The following MELK variants were observed in gnomAD, a reference collection of about 807,000 sequenced individuals.
MELK encodes pEg3 kinase.
A neutral mutation model predicts 85.0 loss-of-function variants in MELK; 81 were observed. The observed-to-expected ratio is 0.95, with a 90% CI of 0.80 to 1.15. The LOEUF is 1.15. Among genes scored for constraint, MELK ranks in the 50% most tolerant of loss-of-function variants. MELK has a pLI of 0.00. For synonymous variants in MELK, 252 were observed against 265.0 expected (o/e 0.95, Z 0.48); for missense variants, 754 against 777.5 (o/e 0.97, Z 0.36).
At chr9:36,598,826 T>C (rs1824586265) in intron 6 of MELK, among the ~76,000 whole-genome samples, 1 of 152,148 alleles carries the variant, frequency 6.6e-6, no homozygotes, top group East Asian at 1.9e-4. Context: ...TGAACCTGAT[T>C]TGACTGAGCT....
At chr9:36,670,946 C>T (rs1410373890) in intron 15 of MELK, 52 bp from the exon 16 acceptor site, 1 of 1,542,284 alleles carries the variant, frequency 6.5e-7, no homozygotes, top group African/African-American at 1.4e-5. Context: ...TTGTGGACCC[C>T]ACAGGCCGGA....
intron 4 of MELK, among the ~76,000 whole-genome samples, chr9:36,592,516 T>C (rs910009498): frequency 5.3e-5 from 8 of 152,132 alleles, no homozygotes; most frequent in African/African-American, 1.7e-4. Context: ...TGTACTTTTC[T>C]TGTGTCTCTT....
Position 36,583,731 on chromosome 9 carries a change from A to G in MELK, c.144+19A>G. ...ACTAGGGGTAAGTTTAGATTTATTT[A>G]AAAAATAGTCCACTTATAGATCAGT... On this transcript the variant is annotated intron_variant, in intron 3 of 17. Transcript: ENST00000298048. 2 of 1,535,766 alleles carry G rather than the reference A, an allele frequency of 1.3e-6. No homozygotes were observed. The highest frequency in any genetic ancestry group is 1.8e-6 in the Non-Finnish European group (2 of 1,112,376).
chr9:36,615,715 T>C (rs1402330695), intron 8 of MELK, among the ~76,000 whole-genome samples: 1 of 138,194 alleles, frequency 7.2e-6, no homozygotes, highest in African/African-American at 2.9e-5. Flanking sequence ...ACATCCCAGA[T>C]GGGGCGGCGG....
At chr9:36,580,624 C>CT (rs202201969) in intron 1 of MELK, among the ~76,000 whole-genome samples, 14,647 of 147,474 alleles carry the variant, frequency 0.099, 736 homozygotes, top group Middle Eastern at 0.15. Context: ...AGCTTCGTGT[C>CT]TTTTTTTTTT....
rs1333477296 is a variant in MELK at position 36,671,023 on chromosome 9, A to T, written c.1531A>T (p.Asn511Tyr). The change falls in exon 16 of 18, where the codon AAC (asparagine) becomes TAC (tyrosine). Residue 511 changes from asparagine (N) to tyrosine (Y), a missense_variant. Coordinates refer to ENST00000298048, the MANE Select transcript of MELK (RefSeq NM_014791.4). ...RRCRSVELDL[N>Y]QAHMEETPKR... ...GTGCCGCTCAGTGGAATTGGATCTC[A>T]ACCAAGCACATATGGAGGAGACTCC... The T allele has an allele frequency of 6.2e-7, 1 of 1,611,460 alleles. No homozygotes were observed. The highest frequency in any genetic ancestry group is 8.5e-7 in the Non-Finnish European group (1 of 1,179,100).
intron 11 of MELK, among the ~76,000 whole-genome samples, chr9:36,651,446 TTATA>T (rs1830688274): frequency 6.6e-6 from 1 of 152,122 alleles, no homozygotes; most frequent in Non-Finnish European, 1.5e-5. Context: ...ACTAGGAAAT[TTATA>T]CATATTATCT....
intron 1 of MELK, among the ~76,000 whole-genome samples, chr9:36,580,634 T>A (rs950596890): frequency 5.9e-5 from 9 of 151,306 alleles, no homozygotes; most frequent in Middle Eastern, 3.4e-3. Context: ...CTTTTTTTTT[T>A]AAATTATTTT....
At chr9:36,663,694 A>G (rs1450022489) in intron 13 of MELK, among the ~76,000 whole-genome samples, 1 of 152,200 alleles carries the variant, frequency 6.6e-6, no homozygotes, top group African/African-American at 2.4e-5. Flanking sequence ...ACCTTGTTGC[A>G]AAAGATAGGA....
At chr9:36,635,949 A>C (rs1829094589) in intron 10 of MELK, among the ~76,000 whole-genome samples, 2 of 151,564 alleles carry the variant, frequency 1.3e-5, no homozygotes, top group African/African-American at 4.8e-5. Context: ...GGCATGTGCC[A>C]CCATGCCTGG....
rs74181197 is a variant in MELK, at chr9:36,636,728, A to ATTTCTTTCTTTCTTTCTTTCTTTCTTTC, written c.834+3558_834+3585dup. 9.0e-4 allele frequency among the ~76,000 whole-genome samples: 91 copies of ATTTCTTTCTTTCTTTCTTTCTTTCTTTC among 100,968 alleles called. 3 individuals carry two copies. Among genetic ancestry groups the ATTTCTTTCTTTCTTTCTTTCTTTCTTTC allele is most frequent in the African/African-American group, 2.3e-3 (56 of 24,646 alleles). 66.2% of individuals were successfully genotyped at this position (100,968 alleles called of 152,430 possible). ...CTGGACTTTTTTATGTAGCAACTGG[A>ATTTCTTTCTTTCTTTCTTTCTTTCTTTC]TTTCTTTCTTTCTTTCTTTCTTTCT... On this transcript the variant is annotated intron_variant, in intron 10 of 17. Coordinates refer to ENST00000298048, the MANE Select transcript of MELK (RefSeq NM_014791.4).
At chr9:36,615,436 C>T (rs1313467426) in intron 8 of MELK, among the ~76,000 whole-genome samples, 5 of 135,458 alleles carry the variant, frequency 3.7e-5, no homozygotes, top group Middle Eastern at 4.0e-3. Context: ...GCTGGCCAGG[C>T]GGGGGGCTGA....
rs58166111 is a variant in MELK at position 36,580,038 on chromosome 9, C to CTTTTT, written c.-38-1588_-38-1584dup. Among the ~76,000 whole-genome samples, 192 of 117,958 alleles carry CTTTTT rather than the reference C, an allele frequency of 1.6e-3. 1 individual carries two copies. The highest frequency in any genetic ancestry group is 2.0e-3 in the South Asian group (7 of 3,572). The allele number at this position is 117,958 out of a possible 152,430, so 77.4% of individuals were successfully genotyped here. A position where few individuals can be genotyped will look rare whatever the true frequency, so the allele number is the denominator to read the frequency against. On this transcript the variant is annotated intron_variant, in intron 1 of 17. Coordinates refer to ENST00000298048, the MANE Select transcript of MELK (RefSeq NM_014791.4). ...ACTACTGATAATTTTTTCATGTCTT[C>CTTTTT]TTTTTTTTTTTTTTTTTTTTTTATT...
At chr9:36,664,718 G>T (rs1352465094) in intron 13 of MELK, among the ~76,000 whole-genome samples, 1 of 152,116 alleles carries the variant, frequency 6.6e-6, no homozygotes, top group Non-Finnish European at 1.5e-5. Flanking sequence ...TTACATGGGA[G>T]CTTTGGTTCT....
At chr9:36,665,207 A>G (rs1269478946) in intron 13 of MELK, 143 bp from the exon 14 acceptor site, 1 of 609,824 alleles carries the variant, frequency 1.6e-6, no homozygotes, top group Non-Finnish European at 2.9e-6. Flanking sequence ...TATATTTTCA[A>G]ATTTCCTAAT....
At chr9:36,627,059 C>T (rs893170169) in intron 8 of MELK, among the ~76,000 whole-genome samples, 1 of 147,516 alleles carries the variant, frequency 6.8e-6, no homozygotes, top group Non-Finnish European at 1.5e-5. Flanking sequence ...CGCAAACACA[C>T]ACACACACAC....
intron 11 of MELK, among the ~76,000 whole-genome samples, chr9:36,650,537 C>T (rs753951185): frequency 1.6e-4 from 24 of 152,198 alleles, no homozygotes; most frequent in Admixed American, 2.6e-4. Flanking sequence ...ACCATCAAAA[C>T]TGCGAAGATT....
At chr9:36,584,578 G>T (rs1421420779) in intron 3 of MELK, among the ~76,000 whole-genome samples, 1 of 130,086 alleles carries the variant, frequency 7.7e-6, no homozygotes, top group South Asian at 2.5e-4. Context: ...CGTGAACCGC[G>T]TGCCTCGACC....
chr9:36,624,850 C>G (rs1827786219), intron 8 of MELK, among the ~76,000 whole-genome samples: 1 of 152,030 alleles, frequency 6.6e-6, no homozygotes, highest in Admixed American at 6.6e-5. Context: ...TATGATAGAT[C>G]TGGTTATGGG....
Sources: allele counts gnomAD v4.1 joint callset (sites outside exome capture counted in the v4.1 genomes callset), GRCh38; gene constraint gnomAD v4.1.1; transcripts MANE v1.5; gene names NCBI Gene and HGNC (gene_info 2026-07-23, HGNC 2026-07-21).